Variants in LIN28B observed in about 807,000 individuals in gnomAD.
LIN28B encodes the protein protein lin-28 homolog B.
A neutral mutation model predicts 21.9 loss-of-function variants in LIN28B; 5 were observed. The ratio of observed to expected loss-of-function variants is 0.23; its 90% CI spans 0.12 to 0.48. LIN28B has a LOEUF of 0.48. Among genes scored for constraint, LIN28B ranks in the 20% least tolerant of loss-of-function variants. The probability of loss-of-function intolerance (pLI) is 0.98; values close to 1 mark genes in which losing one functional copy is unlikely to be tolerated. For missense variants in LIN28B, 245 were observed against 310.5 expected (o/e 0.79, Z 1.58); for synonymous variants, 109 against 111.3 (o/e 0.98, Z 0.13).
intron 3 of LIN28B, among the ~76,000 whole-genome samples, chr6:105,042,593 T>C (rs566676848): frequency 6.6e-6 from 1 of 152,176 alleles, no homozygotes; most frequent in Non-Finnish European, 1.5e-5. Flanking sequence ...TGAGGTCTTC[T>C]AGAACATCGA....
At chr6:105,013,558 C>A (rs1770965772) in intron 2 of LIN28B, among the ~76,000 whole-genome samples, 1 of 151,538 alleles carries the variant, frequency 6.6e-6, no homozygotes, top group African/African-American at 2.4e-5. Flanking sequence ...GACAACATGG[C>A]AAAACCCTGT....
intron 3 of LIN28B, among the ~76,000 whole-genome samples, chr6:105,067,899 C>T (rs1001086685): frequency 2.0e-5 from 3 of 152,238 alleles, no homozygotes; most frequent in Admixed American, 6.5e-5. Flanking sequence ...TGATTTCTCT[C>T]CCCTTCCATG....
At position 105,078,550 on chromosome 6, in the gene LIN28B, G is replaced by A. The variant is rs772613821; in HGVS notation, c.520G>A (p.Ala174Thr). 5.6e-6 allele frequency: 9 copies of A among 1,613,944 alleles called. No individual in the cohort carries two copies. Among genetic ancestry groups the A allele is most frequent in the African/African-American group, 2.7e-5 (2 of 74,868 alleles). The change falls in exon 4 of 4, where the codon GCG becomes ACG. Residue 174 changes from alanine (A) to threonine (T), a missense_variant. Physicochemically the swap from Ala to Thr is moderately conservative, Grantham distance 58 (BLOSUM62 0). Transcript: ENST00000345080. Reference sequence around the variant, plus strand: ...ACATAAAAATGTTGCACAGCCACCCGCGAGTTCTCAGGGAAGACAGGAAGC... The same window carrying A: ...ACATAAAAATGTTGCACAGCCACCCACGAGTTCTCAGGGAAGACAGGAAGC... Reference protein sequence around the residue: ...CPHKNVAQPPASSQGRQEAES... With the variant: ...CPHKNVAQPPTSSQGRQEAES...
At position 105,012,306 on chromosome 6, in the gene LIN28B, AAAAAATACG is replaced by A. The variant is rs1462028313; in HGVS notation, c.199-13987_199-13979del. ...AAAATGGTGAAACCCTGTCTCTACT[AAAAAATACG>A]AAAATTAGCTGGGCATGGTGGCGGG... On this transcript the variant is annotated intron_variant, in intron 2 of 3. Transcript: ENST00000345080. Among the ~76,000 whole-genome samples the A allele has an allele frequency of 4.0e-5, 6 of 151,390 alleles. No homozygotes were observed. The East Asian group carries it at 1.2e-3, about 29-fold the overall frequency.
At chr6:105,050,998 T>A (rs1252979136) in intron 3 of LIN28B, among the ~76,000 whole-genome samples, 1 of 150,904 alleles carries the variant, frequency 6.6e-6, no homozygotes, top group Non-Finnish European at 1.5e-5. Flanking sequence ...GAGGATCGCT[T>A]GAGACCAGGA....
intron 3 of LIN28B, among the ~76,000 whole-genome samples, chr6:105,048,371 A>G (rs1178798384): frequency 2.0e-5 from 3 of 152,184 alleles, no homozygotes; most frequent in Admixed American, 1.3e-4. Context: ...GATGAAGCCC[A>G]TTTGATCATG....
chr6:105,052,846 T>C (rs1056405730), intron 3 of LIN28B, among the ~76,000 whole-genome samples: 1 of 152,104 alleles, frequency 6.6e-6, no homozygotes, highest in African/African-American at 2.4e-5. Context: ...AATTTTTGGC[T>C]TTGTTAATTT....
chr6:105,054,824 ATTTTTCTTGAACCTGAACAAC>A (rs1771989783), intron 3 of LIN28B, among the ~76,000 whole-genome samples: 1 of 144,698 alleles, frequency 6.9e-6, no homozygotes, highest in Non-Finnish European at 1.5e-5. Flanking sequence ...ATGTGGTTAC[ATTTTTCTTGAACCTGAACAAC>A]TTTTTTTTTT....
intron 3 of LIN28B, among the ~76,000 whole-genome samples, chr6:105,046,213 G>C (rs1046296236): frequency 1.3e-5 from 2 of 151,538 alleles, no homozygotes; most frequent in Admixed American, 1.3e-4. Flanking sequence ...TCCCCTTCTT[G>C]TGTCCAAGTG....
chr6:105,002,709 T>C (rs1425973235), intron 2 of LIN28B, among the ~76,000 whole-genome samples: 1 of 152,210 alleles, frequency 6.6e-6, no homozygotes, highest in African/African-American at 2.4e-5. Context: ...GCTTCATCTG[T>C]GGCTTTCAAA....
Position 105,079,030 on chromosome 6 carries a change from C to G in LIN28B, c.*247C>G. 1 of 431,514 alleles carries G rather than the reference C, an allele frequency of 2.3e-6. No individual in the cohort carries two copies. Among genetic ancestry groups the G allele is most frequent in the Non-Finnish European group, 4.2e-6 (1 of 240,880 alleles). The allele number at this position is 431,514 out of a possible 1,614,324, so 26.7% of individuals were successfully genotyped here. A position where few individuals can be genotyped will look rare whatever the true frequency, so the allele number is the denominator to read the frequency against. ...TGTGCATGTGTGAGAGGGAGAGAGC[C>G]TGAGTCTGTGTGTGTACATGAGGAT... On this transcript the variant is annotated 3_prime_UTR_variant, in exon 4 of 4. Transcript: ENST00000345080.
At chr6:105,062,156 C>T (rs569777925) in intron 3 of LIN28B, among the ~76,000 whole-genome samples, 10 of 151,860 alleles carry the variant, frequency 6.6e-5, no homozygotes, top group South Asian at 2.1e-4. Flanking sequence ...CTGCTCCTTG[C>T]GGAGCAGGGC....
chr6:105,074,000 T>G (rs1471813290), intron 3 of LIN28B, among the ~76,000 whole-genome samples: 1 of 152,214 alleles, frequency 6.6e-6, no homozygotes. Context: ...TTTTCATTTT[T>G]TGATGAAATC....
chr6:105,054,930 G>T (rs180821511), intron 3 of LIN28B, among the ~76,000 whole-genome samples: 1 of 151,116 alleles, frequency 6.6e-6, no homozygotes, highest in Non-Finnish European at 1.5e-5. Flanking sequence ...ATTTTTAAAA[G>T]GTATTTTTAA....
chr6:105,052,183 T>C (rs1340281398), intron 3 of LIN28B, among the ~76,000 whole-genome samples: 1 of 152,092 alleles, frequency 6.6e-6, no homozygotes, highest in Non-Finnish European at 1.5e-5. Flanking sequence ...ACTGAGTGAA[T>C]TGATTGATGA....
chr6:105,077,056 C>A (rs1012807081), intron 3 of LIN28B, among the ~76,000 whole-genome samples: 1 of 151,682 alleles, frequency 6.6e-6, no homozygotes, highest in Admixed American at 6.6e-5. Flanking sequence ...ATGGTGAAAC[C>A]CTGTCTCTAC....
upstream of LIN28B, chr6:104,957,031 G>A (rs1778299596): frequency 7.2e-7 from 1 of 1,398,588 alleles, no homozygotes; most frequent in Non-Finnish European, 9.3e-7. Flanking sequence ...GGTGAAATTA[G>A]TAGCAAGAAA....
chr6:105,005,559 G>A (rs1190478288), intron 2 of LIN28B, among the ~76,000 whole-genome samples: 1 of 152,062 alleles, frequency 6.6e-6, no homozygotes, highest in African/African-American at 2.4e-5. Flanking sequence ...GTTCTCTTGA[G>A]ATATGATGGG....
chr6:105,022,675 A>G (rs554328913), intron 2 of LIN28B, among the ~76,000 whole-genome samples: 1 of 152,170 alleles, frequency 6.6e-6, no homozygotes, highest in South Asian at 2.1e-4. Flanking sequence ...AATTAGAGTA[A>G]TGTTTTTAGG....
Sources: gnomAD v4.1 joint callset for allele counts (sites outside exome capture counted in the v4.1 genomes callset) on GRCh38, gnomAD v4.1.1 for gene constraint, MANE v1.5 for transcripts, NCBI Gene and HGNC (gene_info 2026-07-23, HGNC 2026-07-21) for gene names.